Variants in SFMBT2 observed in about 807,000 individuals in gnomAD.
The protein encoded by SFMBT2 is scm-like with four MBT domains protein 2.
Under a neutral mutation model 110.1 loss-of-function variants are expected in SFMBT2, and 38 were observed. The ratio of observed to expected loss-of-function variants is 0.35; its 90% confidence interval spans 0.27 to 0.45. The LOEUF is 0.45. Among genes scored for constraint, SFMBT2 ranks in the 20% least tolerant of loss-of-function variants. The pLI is 1.00. For synonymous variants in SFMBT2, 425 were observed against 425.4 expected, an observed-to-expected ratio of 1.00 and a Z score of 0.01; for missense variants, 1,011 against 1,094.9, an observed-to-expected ratio of 0.92 and a Z score of 1.08.
Position 7,217,471 on chromosome 10 carries a change from CATGTAAGT to C in SFMBT2, c.1330+2932_1330+2939del, listed in dbSNP as rs147602846. Among the ~76,000 whole-genome samples the C allele has an allele frequency of 3.6e-3, 554 of 152,178 alleles. 4 individuals are homozygous for C. Among genetic ancestry groups the C allele is most frequent in the African/African-American group, 0.013 (527 of 41,506 alleles). On this transcript the variant is annotated intron_variant, in intron 11 of 20. Transcript: ENST00000397167. The stretch of plus-strand genomic sequence containing the variant: ...AATCTACCAGGTCTCATTTGAAGTG[CATGTAAGT>C]GGCGCGCATGTATATATTTAGCCAG...
Position 7,163,986 on chromosome 10 carries a change from G to C in SFMBT2, c.2545-76C>G. 1 of 1,507,632 alleles carries C rather than the reference G, an allele frequency of 6.6e-7. No homozygotes were observed. Among genetic ancestry groups the C allele is most frequent in the East Asian group, 2.4e-5 (1 of 41,824 alleles). 93.4% of individuals were successfully genotyped at this position (1,507,632 alleles called of 1,614,324 possible). A position where few individuals can be genotyped will look rare whatever the true frequency, so the allele number is the denominator to read the frequency against. On this transcript the variant is annotated intron_variant, in intron 20 of 20. Coordinates refer to ENST00000397167, the MANE Select transcript of SFMBT2 (RefSeq NM_001387889.1). The surrounding 1 kb of genome is among the most constrained non-coding windows in gnomAD (Gnocchi z 4.8). ...CACAGATGCGTCACAGCAGGCTCCA[G>C]TCCGGGGCCAAACATGACAACAGGA... is the stretch of plus-strand genomic sequence containing the variant.
chr10:7,211,678 C>A (rs575909765), intron 11 of SFMBT2, among the ~76,000 whole-genome samples: 7 of 152,148 alleles, frequency 4.6e-5, no homozygotes, highest in African/African-American at 1.7e-4. Context: ...AGCTTCTCCC[C>A]CTAAGGTTTC....
intron 4 of SFMBT2, among the ~76,000 whole-genome samples, chr10:7,312,836 C>T (rs370862185): frequency 6.6e-6 from 1 of 152,108 alleles, no homozygotes; most frequent in South Asian, 2.1e-4. Flanking sequence ...AATTACTTAC[C>T]AGGTAAACAG....
In SFMBT2 at chr10:7,367,970, T is replaced by C; in HGVS notation, c.196-81A>G. Reference sequence around the variant, plus strand: ...GAAGATGACAAAAACCACTAAAAAATATGGCACTTACAAACAATATTCCTG... The same window carrying C: ...GAAGATGACAAAAACCACTAAAAAACATGGCACTTACAAACAATATTCCTG... On this transcript the variant is annotated intron_variant, in intron 3 of 20. Coordinates refer to ENST00000397167, the MANE Select transcript of SFMBT2 (RefSeq NM_001387889.1). The surrounding 1 kb of genome is among the most constrained non-coding windows in gnomAD (Gnocchi z 6.2). The C allele has an allele frequency of 1.3e-6, 2 of 1,530,294 alleles. No individual in the cohort carries two copies. The highest frequency in any genetic ancestry group is 1.8e-6 in the Non-Finnish European group (2 of 1,136,384). 94.8% of individuals were successfully genotyped at this position (1,530,294 alleles called of 1,614,324 possible). A position where few individuals can be genotyped will look rare whatever the true frequency, so the allele number is the denominator to read the frequency against.
chr10:7,372,528 T>C (rs1298248621), intron 2 of SFMBT2, among the ~76,000 whole-genome samples: 1 of 152,220 alleles, frequency 6.6e-6, no homozygotes, highest in African/African-American at 2.4e-5. Context: ...AGAAATGCAC[T>C]TCCTGAGAAA....
Position 7,171,386 on chromosome 10 carries a change from C to A in SFMBT2, c.2416-330G>T. 1.0e-6 allele frequency: 1 copy of A among 985,364 alleles called. No individual in the cohort carries two copies. The highest frequency in any genetic ancestry group is 1.2e-6 in the Non-Finnish European group (1 of 829,864). 61.0% of individuals were successfully genotyped at this position (985,364 alleles called of 1,614,324 possible). ...GAAAAGAGGAGAAATACAAGGGGCA[C>A]GTCCAAGCAGACACGAGACAGTGTC... On this transcript the variant is annotated intron_variant, in intron 19 of 20. Coordinates refer to ENST00000397167, the MANE Select transcript of SFMBT2 (RefSeq NM_001387889.1). This position sits in a 1 kb window ranked among gnomAD's most constrained non-coding sequence, Gnocchi z 4.9.
intron 1 of SFMBT2, among the ~76,000 whole-genome samples, chr10:7,397,467 T>G (rs547413860): frequency 6.6e-6 from 1 of 151,934 alleles, no homozygotes; most frequent in Non-Finnish European, 1.5e-5. Flanking sequence ...ATTCCAGACA[T>G]GCTGTAGCCA....
chr10:7,219,289 T>A (rs1032884349), intron 11 of SFMBT2, among the ~76,000 whole-genome samples: 1 of 152,248 alleles, frequency 6.6e-6, no homozygotes, highest in African/African-American at 2.4e-5. Context: ...GAGGCCATTC[T>A]ACTTGAAAAC....
rs1837519413 is a variant in SFMBT2, at chr10:7,160,388, T to C, written c.*3382A>G. 6.6e-6 allele frequency: 1 copy of C among 152,158 alleles called. No individual in the cohort carries two copies. The highest frequency in any genetic ancestry group is 6.5e-5 in the Admixed American group (1 of 15,272). The allele number at this position is 152,158 out of a possible 1,614,324, so 9.4% of individuals were successfully genotyped here. On this transcript the variant is annotated 3_prime_UTR_variant, in exon 21 of 21. Transcript: ENST00000397167. ...ATGAGTTTAGGGTGAGACTGAGCGA[T>C]GGGCTGTCATGATTCAAGTTGAGGT...
At chr10:7,264,919 G>A (rs867557024) in intron 7 of SFMBT2, among the ~76,000 whole-genome samples, 8 of 143,534 alleles carry the variant, frequency 5.6e-5, no homozygotes, top group Non-Finnish European at 1.1e-4. Context: ...CTGAAAAGAC[G>A]GACATTTTAA....
chr10:7,281,455 G>T (rs889199828), intron 6 of SFMBT2, among the ~76,000 whole-genome samples: 6 of 152,098 alleles, frequency 3.9e-5, no homozygotes, highest in African/African-American at 1.4e-4. Flanking sequence ...CATAGTGTTT[G>T]GGAAAACGAG....
chr10:7,173,379 C>T (rs759325516), intron 17 of SFMBT2, among the ~76,000 whole-genome samples: 29 of 152,298 alleles, frequency 1.9e-4, no homozygotes, highest in Non-Finnish European at 3.1e-4. Flanking sequence ...CATCTGCTGG[C>T]GTGGTCCTGG....
chr10:7,244,059 A>T (rs1365533443), intron 8 of SFMBT2: 7 of 906,554 alleles, frequency 7.7e-6, no homozygotes, highest in Non-Finnish European at 7.9e-6. Flanking sequence ...ACAGGAACTG[A>T]AAAGTGAAAC....
At chr10:7,276,225 C>T (rs1271500551) in intron 7 of SFMBT2, among the ~76,000 whole-genome samples, 1 of 152,178 alleles carries the variant, frequency 6.6e-6, no homozygotes, top group African/African-American at 2.4e-5. Context: ...AACCTCGGGA[C>T]ATCAAGAAAA....
chr10:7,165,969 A>G (rs1425469725), intron 20 of SFMBT2, among the ~76,000 whole-genome samples: 1 of 152,244 alleles, frequency 6.6e-6, no homozygotes, highest in Non-Finnish European at 1.5e-5. Context: ...CCAAATCCAC[A>G]TGTAATACAT....
intron 4 of SFMBT2, among the ~76,000 whole-genome samples, chr10:7,297,808 A>G (rs1842445783): frequency 1.3e-5 from 2 of 152,348 alleles, no homozygotes; most frequent in South Asian, 4.1e-4. Context: ...CGACACACAC[A>G]TTCAGCACAC....
intron 17 of SFMBT2, among the ~76,000 whole-genome samples, chr10:7,173,554 T>G (rs1260251361): frequency 4.6e-5 from 7 of 152,260 alleles, no homozygotes; most frequent in Non-Finnish European, 1.0e-4. Flanking sequence ...TGCTTCTGAA[T>G]TCTACAGCAG....
chr10:7,277,913 C>A (rs527741342), intron 6 of SFMBT2, among the ~76,000 whole-genome samples: 2 of 152,202 alleles, frequency 1.3e-5, no homozygotes, highest in African/African-American at 2.4e-5. Flanking sequence ...TAGCATGAAG[C>A]GATCTATTTT....
chr10:7,368,539 GCAT>G (rs1268338031), intron 3 of SFMBT2, among the ~76,000 whole-genome samples: 1 of 152,156 alleles, frequency 6.6e-6, no homozygotes, highest in Non-Finnish European at 1.5e-5. Flanking sequence ...TTTAAACCTG[GCAT>G]ACGGACCTGG....
Sources: gnomAD v4.1 joint callset for allele counts (sites outside exome capture counted in the v4.1 genomes callset) on GRCh38, gnomAD v4.1.1 for gene constraint, Gnocchi (gnomAD v3.1) non-coding constraint, MANE v1.5 for transcripts, NCBI Gene and HGNC (gene_info 2026-07-23, HGNC 2026-07-21) for gene names.